Variants in CCDC171 observed in about 807,000 individuals in gnomAD.
CCDC171 encodes the protein coiled-coil domain-containing protein 171.
In CCDC171, 177 loss-of-function variants were observed where a neutral mutation model predicts 168.2. The ratio of observed to expected loss-of-function variants is 1.05; its 90% CI spans 0.93 to 1.19. CCDC171 has a LOEUF of 1.19. Ranked by LOEUF, CCDC171 falls within the 50% of genes most tolerant of loss-of-function variation. The probability of loss-of-function intolerance (pLI) is 0.00; values close to 1 mark genes in which losing one functional copy is unlikely to be tolerated. For synonymous variants in CCDC171, 687 were observed against 540.8 expected, an observed-to-expected ratio of 1.27 and a Z score of -3.75; for missense variants, 1,991 against 1,539.0, an observed-to-expected ratio of 1.29 and a Z score of -4.91.
At chr9:16,108,134 T>A in the CCDC171 span, among the ~76,000 whole-genome samples, 2 of 152,180 alleles carry the variant, frequency 1.3e-5, no homozygotes, top group Admixed American at 6.5e-5. Flanking sequence ...TTTTGGAAAT[T>A]GCTTCAGAAT....
intron 21 of CCDC171, among the ~76,000 whole-genome samples, chr9:15,805,033 T>G (rs189771144): frequency 6.6e-6 from 1 of 152,282 alleles, no homozygotes; most frequent in East Asian, 1.9e-4. Context: ...TTTTCTAGTT[T>G]ATGTACAGAG....
At chr9:15,686,357 A>C (rs1221406031) in intron 10 of CCDC171, among the ~76,000 whole-genome samples, 1 of 152,020 alleles carries the variant, frequency 6.6e-6, no homozygotes, top group Non-Finnish European at 1.5e-5. Context: ...CTCATGTGTA[A>C]AATGGTGCTA....
chr9:16,012,423 C>T (rs1055776446), intron 3 of CCDC171, among the ~76,000 whole-genome samples: 6 of 152,078 alleles, frequency 3.9e-5, no homozygotes, highest in African/African-American at 1.4e-4. Context: ...AGAGGTTGGC[C>T]CTCCTGAATT....
chr9:16,096,641 C>G, the CCDC171 span, among the ~76,000 whole-genome samples: 1 of 152,172 alleles, frequency 6.6e-6, no homozygotes, highest in East Asian at 1.9e-4. Flanking sequence ...AGGTATTTAT[C>G]CCCTGGTCCT....
In CCDC171 at chr9:15,623,463, A is replaced by ACGCGCGCGCGCGCGCGCGCG. The variant is rs144676393; in HGVS notation, c.822+50_822+51insCGCGCGCGCGCGCGCGCGCG. 399 of 636,202 alleles carry ACGCGCGCGCGCGCGCGCGCG rather than the reference A, an allele frequency of 6.3e-4. 32 individuals are homozygous for ACGCGCGCGCGCGCGCGCGCG. Among genetic ancestry groups the ACGCGCGCGCGCGCGCGCGCG allele is most frequent in the Middle Eastern group, 7.8e-4 (2 of 2,566 alleles). 39.4% of individuals were successfully genotyped at this position (636,202 alleles called of 1,614,324 possible). A position where few individuals can be genotyped will look rare whatever the true frequency, so the allele number is the denominator to read the frequency against. On this transcript the variant is annotated intron_variant, in intron 7 of 25. Transcript: ENST00000380701. ...TATATATGCGTACAAACTTTCACAT[A>ACGCGCGCGCGCGCGCGCGCG]TGCGCGCGCGCGCACACACACACAC... is the stretch of plus-strand genomic sequence containing the variant.
intron 25 of CCDC171, among the ~76,000 whole-genome samples, chr9:15,952,373 G>T (rs1829294569): frequency 6.6e-6 from 1 of 152,004 alleles, no homozygotes; most frequent in Admixed American, 6.6e-5. Flanking sequence ...AGTCCCTTGA[G>T]ATTATATATG....
At chr9:15,719,725 C>T (rs1276871548) in intron 11 of CCDC171, among the ~76,000 whole-genome samples, 2 of 152,242 alleles carry the variant, frequency 1.3e-5, no homozygotes, top group South Asian at 2.1e-4. Flanking sequence ...CATTACTCTT[C>T]AGCACTCATA....
chr9:16,033,321 G>T (rs1207912715), intron 6 of CCDC171, among the ~76,000 whole-genome samples: 1 of 152,178 alleles, frequency 6.6e-6, no homozygotes, highest in Non-Finnish European at 1.5e-5. Context: ...TGGCAGGAGA[G>T]TGATGGACGC....
At chr9:15,609,647 A>C (rs1247157906) in intron 6 of CCDC171, among the ~76,000 whole-genome samples, 3 of 152,124 alleles carry the variant, frequency 2.0e-5, no homozygotes, top group Non-Finnish European at 4.4e-5. Flanking sequence ...TTTTATATCT[A>C]AGATTTTGTT....
intron 16 of CCDC171, among the ~76,000 whole-genome samples, chr9:15,735,103 T>C (rs1299641027): frequency 1.3e-5 from 2 of 152,218 alleles, no homozygotes; most frequent in Non-Finnish European, 2.9e-5. Context: ...TTCTAAGACT[T>C]TTTTAATGTC....
chr9:15,562,891 C>A (rs1026067368), intron 1 of CCDC171, among the ~76,000 whole-genome samples: 14 of 118,588 alleles, frequency 1.2e-4, no homozygotes, highest in African/African-American at 4.4e-4. Flanking sequence ...GGGACAATAT[C>A]TGAAGAGCTT....
intron 21 of CCDC171, among the ~76,000 whole-genome samples, chr9:15,838,974 A>G (rs560647683): frequency 2.6e-5 from 4 of 152,212 alleles, no homozygotes; most frequent in African/African-American, 4.8e-5. Context: ...GTTGTTGCCA[A>G]CTTATAAAGG....
chr9:16,058,183 C>T (rs945369635), intron 1 of CCDC171, among the ~76,000 whole-genome samples: 7 of 152,138 alleles, frequency 4.6e-5, no homozygotes, highest in African/African-American at 1.7e-4. Flanking sequence ...CTCTCTCCCT[C>T]CCCTTGCTCA....
intron 23 of CCDC171, among the ~76,000 whole-genome samples, chr9:15,861,841 C>G (rs758546849): frequency 6.6e-6 from 1 of 151,888 alleles, no homozygotes; most frequent in African/African-American, 2.4e-5. Context: ...GTGTTCTATA[C>G]TTTCTTATGG....
chr9:15,850,070 T>C (rs948720002), intron 23 of CCDC171, among the ~76,000 whole-genome samples: 21 of 152,112 alleles, frequency 1.4e-4, no homozygotes, highest in African/African-American at 3.9e-4. Context: ...TAAAGTCATA[T>C]GTGCCACAAA....
In CCDC171 at chr9:15,971,628, C is replaced by G. The variant is rs1265663529; in HGVS notation, c.3773C>G (p.Ser1258Ter). Residue 1258 changes from serine (S) to a stop codon, truncating the protein, a stop_gained, in exon 26 of 26, where the codon TCA becomes TGA. Coordinates refer to ENST00000380701, the MANE Select transcript of CCDC171 (RefSeq NM_173550.4). LOFTEE classifies it high-confidence loss of function. ...TCACAGATAGGATCACGAGACCATT[C>G]AAATCTCTCCATTCCTTCAAGAGCT... ...SLQSIGSRDHSNLSIPSRAPL... is the reference protein window; with the variant it reads ...SLQSIGSRDH 1.9e-6 allele frequency: 3 copies of G among 1,612,814 alleles called. No homozygotes were observed. The African/African-American group carries it at 4.0e-5, about 22-fold the overall frequency.
intron 1 of CCDC171, among the ~76,000 whole-genome samples, chr9:16,058,018 G>T (rs1036919298): frequency 7.3e-5 from 11 of 150,394 alleles, no homozygotes; most frequent in African/African-American, 2.7e-4. Flanking sequence ...CTAGGGGAGA[G>T]TTGAAGCCAG....
intron 24 of CCDC171, among the ~76,000 whole-genome samples, chr9:15,907,112 C>T (rs1183041652): frequency 6.6e-6 from 1 of 152,186 alleles, no homozygotes; most frequent in African/African-American, 2.4e-5. Flanking sequence ...ATGCCATCCC[C>T]ATCAAGCTAC....
chr9:16,030,566 A>G (rs932604448), intron 6 of CCDC171, among the ~76,000 whole-genome samples: 10 of 152,248 alleles, frequency 6.6e-5, no homozygotes, highest in Non-Finnish European at 1.3e-4. Context: ...ATGCAAAAGT[A>G]GCAGTGTGTA....
Sources: gnomAD v4.1 joint callset for allele counts (sites outside exome capture counted in the v4.1 genomes callset) on GRCh38, gnomAD v4.1.1 for gene constraint, MANE v1.5 for transcripts, NCBI Gene and HGNC (gene_info 2026-07-23, HGNC 2026-07-21) for gene names.